The following TRERF1 variants were observed in gnomAD, a reference collection of about 807,000 sequenced individuals.
TRERF1 encodes the protein transcriptional regulating factor 1.
Under a neutral mutation model 122.9 loss-of-function variants are expected in TRERF1, and 27 were observed. That is an observed-to-expected ratio of 0.22 (90% CI 0.16 to 0.30). The LOEUF (loss-of-function observed/expected upper bound fraction) is 0.30, where lower values mean the gene tolerates loss of function less well. Ranked by LOEUF, TRERF1 falls within the 10% of genes least tolerant of loss-of-function variation. TRERF1 has a pLI of 1.00. For missense variants in TRERF1, 1,248 were observed against 1,560.3 expected (o/e 0.80, Z 3.37); for synonymous variants, 636 against 641.7 (o/e 0.99, Z 0.13).
At chr6:42,294,427 G>A (rs191233067) in intron 4 of TRERF1, among the ~76,000 whole-genome samples, 18 of 152,016 alleles carry the variant, frequency 1.2e-4, no homozygotes, top group Non-Finnish European at 2.1e-4. Context: ...TGATCCGCTC[G>A]CCTCAGCCTC....
chr6:42,260,450 G>C (rs1777629219), intron 8 of TRERF1, among the ~76,000 whole-genome samples: 2 of 152,166 alleles, frequency 1.3e-5, no homozygotes, highest in Admixed American at 1.3e-4. Flanking sequence ...AGCATAGTCT[G>C]GAAGGAGGAT....
chr6:42,296,098 G>C (rs1208527962), intron 4 of TRERF1, among the ~76,000 whole-genome samples: 1 of 152,052 alleles, frequency 6.6e-6, no homozygotes, highest in Non-Finnish European at 1.5e-5. Context: ...GTGAGTCCAC[G>C]CAGCCCCAGC....
At chr6:42,408,870 C>T (rs1459955398) in intron 2 of TRERF1, among the ~76,000 whole-genome samples, 1 of 152,110 alleles carries the variant, frequency 6.6e-6, no homozygotes, top group East Asian at 1.9e-4. Flanking sequence ...AAATTTATAA[C>T]ATATGATGTG....
chr6:42,361,399 C>T (rs1237206233), intron 3 of TRERF1, among the ~76,000 whole-genome samples: 1 of 151,964 alleles, frequency 6.6e-6, no homozygotes, highest in African/African-American at 2.4e-5. Context: ...GGCACTTACT[C>T]AGATTTTGTT....
intron 3 of TRERF1, among the ~76,000 whole-genome samples, chr6:42,352,543 A>C (rs964385569): frequency 6.6e-6 from 1 of 152,240 alleles, no homozygotes; most frequent in Admixed American, 6.5e-5. Flanking sequence ...AATAGTGAAT[A>C]TGGTTACAAA....
chr6:42,371,494 G>A (rs921069416), intron 2 of TRERF1, among the ~76,000 whole-genome samples: 1 of 152,190 alleles, frequency 6.6e-6, no homozygotes, highest in African/African-American at 2.4e-5. Context: ...TCCTCCCAAT[G>A]TAGCGGTTCC....
intron 2 of TRERF1, among the ~76,000 whole-genome samples, chr6:42,436,183 A>G (rs957382155): frequency 1.3e-5 from 2 of 151,940 alleles, no homozygotes; most frequent in African/African-American, 4.8e-5. Context: ...CCTGGCTAAC[A>G]CAGTGAAACC....
intron 2 of TRERF1, among the ~76,000 whole-genome samples, chr6:42,428,485 C>A (rs145984009): frequency 6.6e-6 from 1 of 152,234 alleles, no homozygotes; most frequent in Non-Finnish European, 1.5e-5. Context: ...GGAGGGGGTG[C>A]GAGAGGGTGA....
intron 2 of TRERF1, among the ~76,000 whole-genome samples, chr6:42,377,803 G>A (rs1391920662): frequency 2.6e-5 from 4 of 152,122 alleles, no homozygotes; most frequent in Non-Finnish European, 5.9e-5. Context: ...AATGTTCAGT[G>A]CCTCTCAAAT....
intron 2 of TRERF1, among the ~76,000 whole-genome samples, chr6:42,440,577 T>C (rs756598829): frequency 1.3e-5 from 2 of 152,174 alleles, no homozygotes; most frequent in Non-Finnish European, 2.9e-5. Context: ...CCCCATGGCC[T>C]ATGCAAATTC....
chr6:42,299,116 C>CTGTCTGTCTGTCTGTATCTA (rs10627056), intron 4 of TRERF1, among the ~76,000 whole-genome samples: 11 of 141,780 alleles, frequency 7.8e-5, no homozygotes, highest in African/African-American at 1.3e-4. Flanking sequence ...GTCTGTCTGT[C>CTGTCTGTCTGTCTGTATCTA]TCTATCTATC....
At chr6:42,382,417 T>TAAAA (rs58580368) in intron 2 of TRERF1, among the ~76,000 whole-genome samples, 11,878 of 133,418 alleles carry the variant, frequency 0.089, 762 homozygotes, top group African/African-American at 0.19. Context: ...AAGACGTGAT[T>TAAAA]AAAAAAAAAA....
At chr6:42,397,277 A>G (rs1213620852) in intron 2 of TRERF1, among the ~76,000 whole-genome samples, 1 of 152,134 alleles carries the variant, frequency 6.6e-6, no homozygotes, top group Non-Finnish European at 1.5e-5. Flanking sequence ...TGAGACAAAA[A>G]CCAACAGCCT....
chr6:42,400,934 C>T (rs1384700362), intron 2 of TRERF1, among the ~76,000 whole-genome samples: 1 of 152,168 alleles, frequency 6.6e-6, no homozygotes, highest in Non-Finnish European at 1.5e-5. Flanking sequence ...GACCCGAGTC[C>T]CAACTGGGGC....
chr6:42,359,865 ATATTC>A (rs1771381342), intron 3 of TRERF1, among the ~76,000 whole-genome samples: 1 of 152,146 alleles, frequency 6.6e-6, no homozygotes, highest in Non-Finnish European at 1.5e-5. Context: ...TAAAATCCCT[ATATTC>A]TAGAGGTTCT....
At chr6:42,419,363 C>T (rs1782420778) in intron 2 of TRERF1, among the ~76,000 whole-genome samples, 1 of 151,042 alleles carries the variant, frequency 6.6e-6, no homozygotes. Flanking sequence ...CACAGTGCTC[C>T]CCATCATGGC....
chr6:42,290,492 C>T (rs528949556), intron 4 of TRERF1, among the ~76,000 whole-genome samples: 2 of 152,246 alleles, frequency 1.3e-5, no homozygotes, highest in East Asian at 3.9e-4. Context: ...AGTGTGTGAG[C>T]ACACACATGC....
chr6:42,406,746 A>G (rs983488626), intron 2 of TRERF1, among the ~76,000 whole-genome samples: 1 of 151,084 alleles, frequency 6.6e-6, no homozygotes, highest in African/African-American at 2.4e-5. Context: ...CTGCCTTCTC[A>G]TGACACTTAC....
chr6:42,420,127 C>T (rs1358733941), intron 2 of TRERF1, among the ~76,000 whole-genome samples: 2 of 152,236 alleles, frequency 1.3e-5, no homozygotes, highest in African/African-American at 4.8e-5. Context: ...TCCTGTTCTG[C>T]TATCCATGAG....
Sources: allele counts gnomAD v4.1 joint callset (sites outside exome capture counted in the v4.1 genomes callset), GRCh38; gene constraint gnomAD v4.1.1; transcripts MANE v1.5; gene names NCBI Gene and HGNC (gene_info 2026-07-23, HGNC 2026-07-21).